The following APBA2 variants were observed in gnomAD, a reference collection of about 807,000 sequenced individuals.
APBA2 encodes the protein amyloid-beta A4 precursor protein-binding family A member 2.
APBA2 carries 30 observed loss-of-function variants against 75.0 expected under a neutral mutation model. That is an observed-to-expected ratio of 0.40 (90% CI 0.30 to 0.54). The LOEUF is 0.54. APBA2 is among the 20% of genes least tolerant of loss of function. APBA2 has a pLI of 0.49. For synonymous variants in APBA2, 444 were observed against 409.6 expected (o/e 1.08, Z -1.01); for missense variants, 801 against 1,016.1 (o/e 0.79, Z 2.88).
chr15:29,078,959 C>T (rs1007341337), intron 6 of APBA2, among the ~76,000 whole-genome samples: 1 of 152,192 alleles, frequency 6.6e-6, no homozygotes, highest in African/African-American at 2.4e-5. Flanking sequence ...TGAAAGGCAG[C>T]GTGTCAGCTG....
intron 2 of APBA2, among the ~76,000 whole-genome samples, chr15:28,937,600 C>G (rs1595503903): frequency 6.6e-6 from 1 of 152,148 alleles, no homozygotes; most frequent in African/African-American, 2.4e-5. Context: ...CTCTCTCCCA[C>G]TCCGGGCTTC....
At chr15:28,945,125 C>CA (rs1201765325) in intron 2 of APBA2, among the ~76,000 whole-genome samples, 3 of 152,218 alleles carry the variant, frequency 2.0e-5, no homozygotes, top group Non-Finnish European at 4.4e-5. Flanking sequence ...CCTGGCAACT[C>CA]ACAGCCAGCC....
At chr15:29,115,690 G>T (rs144235398) in intron 14 of APBA2, among the ~76,000 whole-genome samples, 30 of 152,202 alleles carry the variant, frequency 2.0e-4, no homozygotes, top group African/African-American at 7.2e-4. Context: ...TTGCAGTTGC[G>T]AGGGGCCTCG....
chr15:29,022,099 C>T (rs189478845), intron 3 of APBA2, among the ~76,000 whole-genome samples: 3 of 152,152 alleles, frequency 2.0e-5, no homozygotes, highest in Admixed American at 6.5e-5. Flanking sequence ...CCGCAGTGAG[C>T]GTGGGAGTGC....
intron 2 of APBA2, among the ~76,000 whole-genome samples, chr15:28,958,636 G>T (rs895209164): frequency 1.3e-5 from 2 of 152,086 alleles, no homozygotes; most frequent in Admixed American, 6.6e-5. Flanking sequence ...GTCCCCACTG[G>T]GGCAGGGAGG....
At chr15:29,091,242 A>G (rs2043556307) in intron 6 of APBA2, among the ~76,000 whole-genome samples, 2 of 152,244 alleles carry the variant, frequency 1.3e-5, no homozygotes, top group African/African-American at 4.8e-5. Flanking sequence ...GGAGGACCCC[A>G]TTGATAGGAC....
At chr15:29,012,349 T>C (rs752791458) in intron 3 of APBA2, among the ~76,000 whole-genome samples, 8 of 152,198 alleles carry the variant, frequency 5.3e-5, no homozygotes, top group Non-Finnish European at 1.0e-4. Flanking sequence ...ATCTTTAAAT[T>C]TGAGTGTGCT....
Position 29,044,607 on chromosome 15 carries a change from C to A in APBA2, c.-40-9238C>A, listed in dbSNP as rs960686388. Among the ~76,000 whole-genome samples, 3 of 152,056 alleles carry A rather than the reference C, an allele frequency of 2.0e-5. No individual in the cohort carries two copies. In the South Asian group the frequency reaches 6.2e-4, roughly 32 times the overall value. ...TTAACTCTCTCCTGGCCACACCCCC[C>A]CTGGGCTCATATGGGGACCTGGGCC... On this transcript the variant is annotated intron_variant, in intron 3 of 14. Transcript: ENST00000683413.
At chr15:28,904,723 A>G (rs1187817051) in intron 1 of APBA2, among the ~76,000 whole-genome samples, 2 of 151,754 alleles carry the variant, frequency 1.3e-5, no homozygotes, top group South Asian at 2.1e-4. Context: ...GCGTTGCAGC[A>G]CCCCTCAGTG....
chr15:28,891,017 A>C (rs2032093871), intron 1 of APBA2, among the ~76,000 whole-genome samples: 1 of 152,206 alleles, frequency 6.6e-6, no homozygotes, highest in Non-Finnish European at 1.5e-5. Flanking sequence ...GTTAAGAGAA[A>C]AAAAATATGT....
intron 2 of APBA2, among the ~76,000 whole-genome samples, chr15:28,978,443 G>A (rs1296952518): frequency 6.6e-6 from 1 of 152,232 alleles, no homozygotes; most frequent in East Asian, 1.9e-4. Flanking sequence ...CAGGCCGGTG[G>A]CACACCCAGG....
chr15:28,946,098 T>A (rs1390036150), intron 2 of APBA2, among the ~76,000 whole-genome samples: 2 of 152,212 alleles, frequency 1.3e-5, no homozygotes, highest in Admixed American at 6.5e-5. Context: ...TTAATTTAGA[T>A]CTTGATTTTG....
At chr15:29,077,748 G>T (rs978194392) in intron 6 of APBA2, among the ~76,000 whole-genome samples, 3 of 152,212 alleles carry the variant, frequency 2.0e-5, no homozygotes, top group African/African-American at 7.2e-5. Flanking sequence ...CCCTTTGATT[G>T]TTATGAAAAC....
chr15:29,010,854 TGTA>T (rs1436758187), intron 3 of APBA2, among the ~76,000 whole-genome samples: 2 of 152,210 alleles, frequency 1.3e-5, no homozygotes, highest in Non-Finnish European at 2.9e-5. Flanking sequence ...TTTTAAAAAT[TGTA>T]GTAAAAAAAC....
chr15:28,951,021 G>A (rs781375339), intron 2 of APBA2, among the ~76,000 whole-genome samples: 1 of 152,188 alleles, frequency 6.6e-6, no homozygotes, highest in Non-Finnish European at 1.5e-5. Flanking sequence ...GGCCATATCC[G>A]TGAGTTCTGC....
chr15:28,928,140 T>TC lies in APBA2; in HGVS notation c.-95+6392dup, dbSNP rs2034374196. On this transcript the variant is annotated intron_variant, in intron 2 of 14. Coordinates refer to ENST00000683413, the MANE Select transcript of APBA2 (RefSeq NM_001353788.2). ...GCCTGGGCAACAGAGCGAGACTCCA[T>TC]CTAAAAAAAAAAAAAAAAAGAAACA... 1.3e-4 allele frequency among the ~76,000 whole-genome samples: 5 copies of TC among 38,732 alleles called. No homozygotes were observed. The Admixed American group carries it at 1.5e-3, about 11-fold the overall frequency. The allele number at this position is 38,732 out of a possible 152,430, so 25.4% of individuals were successfully genotyped here.
intron 2 of APBA2, among the ~76,000 whole-genome samples, chr15:28,948,427 G>T (rs1168916890): frequency 6.6e-6 from 1 of 151,936 alleles, no homozygotes; most frequent in Non-Finnish European, 1.5e-5. Context: ...CTGAGGTAAA[G>T]TCCCCTTTCG....
chr15:29,060,913 C>T (rs974726990), intron 4 of APBA2, among the ~76,000 whole-genome samples: 13 of 152,234 alleles, frequency 8.5e-5, no homozygotes, highest in African/African-American at 1.9e-4. Flanking sequence ...GGCAGTGAAG[C>T]GTGAGTGGAG....
At chr15:29,019,723 A>G (rs1044021276) in intron 3 of APBA2, among the ~76,000 whole-genome samples, 1 of 152,228 alleles carries the variant, frequency 6.6e-6, no homozygotes, top group African/African-American at 2.4e-5. Flanking sequence ...GACCGTGTGT[A>G]CAGTACTAGA....
Sources: allele counts gnomAD v4.1 joint callset (sites outside exome capture counted in the v4.1 genomes callset), GRCh38; gene constraint gnomAD v4.1.1; transcripts MANE v1.5; gene names NCBI Gene and HGNC (gene_info 2026-07-23, HGNC 2026-07-21).